The following SGCD variants were observed in gnomAD, a reference collection of about 807,000 sequenced individuals.
The protein encoded by SGCD is sarcoglycan delta.
A neutral mutation model predicts 36.6 loss-of-function variants in SGCD; 18 were observed. The ratio of observed to expected loss-of-function variants is 0.49; its 90% CI spans 0.34 to 0.73. The LOEUF (loss-of-function observed/expected upper bound fraction) is 0.73. Ranked by LOEUF, SGCD falls within the 30% of genes least tolerant of loss-of-function variation. The pLI is 0.01. For synonymous variants in SGCD, 133 were observed against 130.6 expected (o/e 1.02, Z -0.12); for missense variants, 387 against 346.7 (o/e 1.12, Z -0.92).
At chr5:156,419,202 G>A (rs547506523) in intron 3 of SGCD, among the ~76,000 whole-genome samples, 189 of 152,060 alleles carry the variant, frequency 1.2e-3, no homozygotes, top group African/African-American at 4.3e-3. Flanking sequence ...TTTCACATGC[G>A]GAATTAACTA....
intron 3 of SGCD, among the ~76,000 whole-genome samples, chr5:156,410,429 A>G (rs906010982): frequency 6.6e-6 from 1 of 152,194 alleles, no homozygotes; most frequent in Non-Finnish European, 1.5e-5. Context: ...TATGCTCACT[A>G]CCTGGGTGAT....
chr5:156,542,393 G>A (rs1200312002), intron 4 of SGCD, among the ~76,000 whole-genome samples: 2 of 152,076 alleles, frequency 1.3e-5, no homozygotes, highest in Non-Finnish European at 2.9e-5. Context: ...GTTTGCATTG[G>A]ATATATTAAA....
chr5:156,514,148 A>G (rs1371226405), intron 4 of SGCD, among the ~76,000 whole-genome samples: 1 of 152,234 alleles, frequency 6.6e-6, no homozygotes, highest in Non-Finnish European at 1.5e-5. Flanking sequence ...GGAAACCTTT[A>G]TTACTACTTT....
At chr5:156,458,871 C>A (rs1018966704) in intron 3 of SGCD, among the ~76,000 whole-genome samples, 5 of 152,128 alleles carry the variant, frequency 3.3e-5, no homozygotes, top group Non-Finnish European at 7.4e-5. Flanking sequence ...TTAATTTCTT[C>A]TTTTCCCTCA....
rs190920212 is a variant in SGCD, at chr5:156,506,891, A to G, written c.193-1710A>G. On this transcript the variant is annotated intron_variant, in intron 3 of 8. Coordinates refer to ENST00000337851, the MANE Select transcript of SGCD (RefSeq NM_000337.6). Reference sequence around the variant, plus strand: ...TTGATGAGATGAACTTTCTCTGGCTAGTATTCCCAGCTAGTAAATTAAGAA... The same window carrying G: ...TTGATGAGATGAACTTTCTCTGGCTGGTATTCCCAGCTAGTAAATTAAGAA... Among the ~76,000 whole-genome samples, 8 of 152,330 alleles carry G rather than the reference A, an allele frequency of 5.3e-5. No individual in the cohort carries two copies. The East Asian group carries it at 1.5e-3, about 29-fold the overall frequency.
At chr5:156,134,018 T>G (rs990995216) in intron 3 of SGCD, among the ~76,000 whole-genome samples, 4 of 151,894 alleles carry the variant, frequency 2.6e-5, no homozygotes, top group Admixed American at 6.6e-5. Flanking sequence ...TTTTCTGCAG[T>G]TTTAAATATA....
intron 1 of SGCD, among the ~76,000 whole-genome samples, chr5:156,044,267 A>G (rs10044552): frequency 0.013 from 1,965 of 152,296 alleles, 17 homozygotes; most frequent in African/African-American, 0.031. Flanking sequence ...TAGATGCTCA[A>G]CAAAGGCTGT....
At chr5:156,740,626 C>T (rs776856883) in intron 7 of SGCD, among the ~76,000 whole-genome samples, 2 of 152,196 alleles carry the variant, frequency 1.3e-5, no homozygotes, top group African/African-American at 2.4e-5. Context: ...TGGGTTACCT[C>T]TTCTCAGAAG....
chr5:155,823,804 A>G, the SGCD span, among the ~76,000 whole-genome samples: 1 of 152,158 alleles, frequency 6.6e-6, no homozygotes, highest in African/African-American at 2.4e-5. Context: ...TTTCTTCTTT[A>G]CAGAGTTATT....
intron 1 of SGCD, among the ~76,000 whole-genome samples, chr5:155,892,285 G>T (rs186193020): frequency 1.3e-5 from 2 of 151,764 alleles, no homozygotes; most frequent in Non-Finnish European, 2.9e-5. Context: ...GTGAAACCCC[G>T]TCTCTACTAA....
At chr5:156,189,577 A>G (rs902209214) in intron 3 of SGCD, among the ~76,000 whole-genome samples, 2 of 151,780 alleles carry the variant, frequency 1.3e-5, no homozygotes, top group African/African-American at 4.9e-5. Flanking sequence ...AAAACAGGGG[A>G]CCTCGGCCAA....
At chr5:155,811,750 C>T in the SGCD span, among the ~76,000 whole-genome samples, 4 of 152,166 alleles carry the variant, frequency 2.6e-5, no homozygotes, top group East Asian at 1.9e-4. Context: ...CTTCTGGTTT[C>T]GCAGTGTCAA....
intron 3 of SGCD, among the ~76,000 whole-genome samples, chr5:156,177,511 A>T (rs548842135): frequency 6.6e-6 from 1 of 152,196 alleles, no homozygotes; most frequent in African/African-American, 2.4e-5. Flanking sequence ...TTACTTGATT[A>T]TACAGTTCTC....
chr5:155,945,091 A>G (rs1757411447), intron 1 of SGCD, among the ~76,000 whole-genome samples: 1 of 152,192 alleles, frequency 6.6e-6, no homozygotes, highest in Non-Finnish European at 1.5e-5. Flanking sequence ...ATAAATTTCC[A>G]CTTGTTTTCA....
chr5:156,069,047 CA>C (rs1406352061), intron 1 of SGCD, among the ~76,000 whole-genome samples: 2 of 152,046 alleles, frequency 1.3e-5, no homozygotes, highest in Non-Finnish European at 2.9e-5. Flanking sequence ...GAGTAGATTG[CA>C]AAAATTTTCT....
intron 3 of SGCD, chr5:156,393,770 G>A (rs1333964771): frequency 2.2e-6 from 1 of 456,174 alleles, no homozygotes; most frequent in Non-Finnish European, 4.4e-6. Flanking sequence ...ATCTGCTTCT[G>A]AGATTTAACT....
chr5:155,840,361 A>G, the SGCD span, among the ~76,000 whole-genome samples: 1 of 149,656 alleles, frequency 6.7e-6, no homozygotes, highest in Admixed American at 6.7e-5. Context: ...CTCCTGCCTC[A>G]GCCTCCCGAG....
intron 2 of SGCD, among the ~76,000 whole-genome samples, chr5:156,119,010 A>G (rs1339459284): frequency 6.6e-6 from 1 of 152,156 alleles, no homozygotes. Flanking sequence ...AATATAATCA[A>G]TATTTTGCAA....
the SGCD span, among the ~76,000 whole-genome samples, chr5:155,818,149 GCAA>G: frequency 1.3e-5 from 2 of 152,148 alleles, no homozygotes; most frequent in African/African-American, 4.8e-5. Context: ...TATACAAATA[GCAA>G]CAAGATGTGG....
Sources: gnomAD v4.1 joint callset for allele counts (sites outside exome capture counted in the v4.1 genomes callset) on GRCh38, gnomAD v4.1.1 for gene constraint, MANE v1.5 for transcripts, NCBI Gene and HGNC (gene_info 2026-07-23, HGNC 2026-07-21) for gene names.